Variants in NDRG3 observed in about 807,000 individuals in gnomAD.
The protein encoded by NDRG3 is protein NDRG3.
NDRG3 carries 23 observed loss-of-function variants against 57.2 expected under a neutral mutation model. The ratio of observed to expected loss-of-function variants is 0.40; its 90% confidence interval spans 0.29 to 0.57. The LOEUF (loss-of-function observed/expected upper bound fraction) is 0.57, where lower values mean the gene tolerates loss of function less well. Among genes scored for constraint, NDRG3 ranks in the 20% least tolerant of loss-of-function variants. The pLI, the probability that NDRG3 is intolerant of heterozygous loss-of-function variation, is 0.42. For synonymous variants in NDRG3, 132 were observed against 162.6 expected (o/e 0.81, Z 1.43); for missense variants, 384 against 457.3 (o/e 0.84, Z 1.46).
chr20:36,729,783 C>T (rs1324049906), intron 1 of NDRG3, among the ~76,000 whole-genome samples: 1 of 152,018 alleles, frequency 6.6e-6, no homozygotes, highest in Non-Finnish European at 1.5e-5. Context: ...CCACGTCAGC[C>T]TCCCAAAGTG....
chr20:36,744,978 G>C lies in NDRG3; in HGVS notation c.-49+1067C>G, dbSNP rs538361835. 1.4e-3 allele frequency among the ~76,000 whole-genome samples: 218 copies of C among 151,432 alleles called. 17 individuals carry two copies. Among genetic ancestry groups the C allele is most frequent in the Non-Finnish European group, 2.6e-3 (173 of 67,720 alleles). Reference sequence around the variant, plus strand: ...TGAGGGCCAGGGTAAGGGGGGGGGGGGGCGCGGCGGGGGTGATCTGGATGC... The same window carrying C: ...TGAGGGCCAGGGTAAGGGGGGGGGGCGGCGCGGCGGGGGTGATCTGGATGC... On this transcript the variant is annotated intron_variant, in intron 1 of 15. Transcript: ENST00000349004.
chr20:36,677,476 T>C (rs542602387), intron 8 of NDRG3, among the ~76,000 whole-genome samples: 2 of 152,268 alleles, frequency 1.3e-5, no homozygotes, highest in Admixed American at 6.5e-5. Flanking sequence ...CATAAAAGCC[T>C]TGGGCTCAGC....
chr20:36,687,673 C>T, intron 4 of NDRG3, 61 bp from the exon 5 acceptor site: 2 of 1,561,646 alleles, frequency 1.3e-6, no homozygotes, highest in Non-Finnish European at 1.7e-6. Context: ...TTTTCCTCTA[C>T]TCAGTCAATG....
chr20:36,679,504 ATTT>A (rs1317685294), intron 8 of NDRG3, among the ~76,000 whole-genome samples: 1 of 143,048 alleles, frequency 7.0e-6, no homozygotes. Flanking sequence ...TTAAATTGCA[ATTT>A]TTTTTTTTTT....
chr20:36,715,040 ATATATATATATATATT>A (rs1568662038), intron 2 of NDRG3, among the ~76,000 whole-genome samples: 4 of 115,346 alleles, frequency 3.5e-5, no homozygotes, highest in Non-Finnish European at 5.1e-5. Flanking sequence ...ATATATATAT[ATATATATATATATATT>A]ATATTTAAGT....
In NDRG3 at chr20:36,652,774, G is replaced by GA. The variant is rs1176375851; in HGVS notation, c.*745dup. The stretch of plus-strand genomic sequence containing the variant: ...GTAATTAAACCACATTCACTCCTTG[G>GA]AAAAAACTCTATGTTGTATCAGAAC... On this transcript the variant is annotated 3_prime_UTR_variant, in exon 16 of 16. Transcript: ENST00000349004. 2 of 152,138 alleles carry GA rather than the reference G, an allele frequency of 1.3e-5. No homozygotes were observed. Among genetic ancestry groups the GA allele is most frequent in the African/African-American group, 4.8e-5 (2 of 41,428 alleles). The allele number at this position is 152,138 out of a possible 1,614,324, so 9.4% of individuals were successfully genotyped here. A position where few individuals can be genotyped will look rare whatever the true frequency, so the allele number is the denominator to read the frequency against.
intron 1 of NDRG3, among the ~76,000 whole-genome samples, chr20:36,742,974 C>G (rs182379418): frequency 6.6e-6 from 1 of 152,132 alleles, no homozygotes; most frequent in Non-Finnish European, 1.5e-5. Context: ...TAATGATATA[C>G]AGTAAAAATT....
At chr20:36,669,746 C>G (rs1264881970) in intron 9 of NDRG3, among the ~76,000 whole-genome samples, 1 of 151,968 alleles carries the variant, frequency 6.6e-6, no homozygotes, top group Admixed American at 6.6e-5. Flanking sequence ...TACAGGCATA[C>G]ACCACCACAT....
At chr20:36,688,877 C>G in intron 3 of NDRG3, 93 bp from the exon 4 acceptor site, 1 of 870,494 alleles carries the variant, frequency 1.1e-6, no homozygotes, top group Non-Finnish European at 2.0e-6. Context: ...CCGTTTCCCA[C>G]GAGCTGGGGC....
At chr20:36,720,820 G>A (rs1386862226) in intron 2 of NDRG3, among the ~76,000 whole-genome samples, 1 of 150,658 alleles carries the variant, frequency 6.6e-6, no homozygotes, top group Non-Finnish European at 1.5e-5. Context: ...ACCCAGACTG[G>A]GGTGCAGTGG....
chr20:36,673,110 T>C lies in NDRG3; in HGVS notation c.532-1713A>G, dbSNP rs575415890. Among the ~76,000 whole-genome samples the C allele has an allele frequency of 3.1e-4, 47 of 152,208 alleles. No individual in the cohort carries two copies. The East Asian group carries it at 8.1e-3, about 26-fold the overall frequency. Reference sequence around the variant, plus strand: ...AACTCCTGAGCTCAAGCAATCCTCCTGCCTCACCCTCCCAAAGTGCTGGGA... The same window carrying C: ...AACTCCTGAGCTCAAGCAATCCTCCCGCCTCACCCTCCCAAAGTGCTGGGA... On this transcript the variant is annotated intron_variant, in intron 8 of 15. Coordinates refer to ENST00000349004, the MANE Select transcript of NDRG3 (RefSeq NM_032013.4).
At chr20:36,737,066 GT>G (rs1985645841) in intron 1 of NDRG3, among the ~76,000 whole-genome samples, 1 of 152,264 alleles carries the variant, frequency 6.6e-6, no homozygotes, top group East Asian at 1.9e-4. Flanking sequence ...TAAATGAGAG[GT>G]TTGTAGAGAC....
At chr20:36,719,286 G>A (rs1984449768) in intron 2 of NDRG3, among the ~76,000 whole-genome samples, 1 of 151,960 alleles carries the variant, frequency 6.6e-6, no homozygotes, top group Non-Finnish European at 1.5e-5. Context: ...AATTAGCTGG[G>A]CATGGTGTTG....
intron 1 of NDRG3, among the ~76,000 whole-genome samples, chr20:36,735,726 C>T (rs1178338985): frequency 6.6e-6 from 1 of 152,060 alleles, no homozygotes; most frequent in Non-Finnish European, 1.5e-5. Context: ...TCAGGCAGGG[C>T]ACCTGTAATC....
At chr20:36,732,958 G>A (rs1307365028) in intron 1 of NDRG3, among the ~76,000 whole-genome samples, 1 of 151,102 alleles carries the variant, frequency 6.6e-6, no homozygotes, top group African/African-American at 2.4e-5. Flanking sequence ...ACCAGCCCGG[G>A]CAACATGGCA....
At chr20:36,671,220 A>T in intron 9 of NDRG3, 121 bp downstream of exon 9, 1 of 796,586 alleles carries the variant, frequency 1.3e-6, no homozygotes, top group South Asian at 1.6e-5. Flanking sequence ...TTCAGACTAC[A>T]TTGGAACTGT....
chr20:36,708,551 G>C (rs1165099029), intron 2 of NDRG3, among the ~76,000 whole-genome samples: 1 of 151,290 alleles, frequency 6.6e-6, no homozygotes, highest in Admixed American at 6.6e-5. Flanking sequence ...GAGAGGCTGA[G>C]GCAAGAGAAT....
chr20:36,658,922 A>ATCTTC (rs2148023909), intron 13 of NDRG3, among the ~76,000 whole-genome samples: 1 of 150,114 alleles, frequency 6.7e-6, no homozygotes, highest in African/African-American at 2.5e-5. Context: ...TACATCCATT[A>ATCTTC]TCTTCTCACA....
intron 3 of NDRG3, among the ~76,000 whole-genome samples, chr20:36,693,141 T>TATATATATATAC (rs1323122806): frequency 1.2e-4 from 4 of 34,612 alleles, no homozygotes; most frequent in African/African-American, 2.8e-4. Flanking sequence ...TATATATATA[T>TATATATATATAC]ACACACACAC....
Sources: allele counts gnomAD v4.1 joint callset (sites outside exome capture counted in the v4.1 genomes callset), GRCh38; gene constraint gnomAD v4.1.1; transcripts MANE v1.5; gene names NCBI Gene and HGNC (gene_info 2026-07-23, HGNC 2026-07-21).